The following ATP6V1B1 variants were observed in gnomAD, a reference collection of about 807,000 sequenced individuals.
ATP6V1B1 encodes the protein ATPase H+ transporting V1 subunit B1, also known as V-type proton ATPase subunit B, kidney isoform.
A neutral mutation model predicts 62.1 loss-of-function variants in ATP6V1B1; 41 were observed. The observed-to-expected ratio is 0.66, with a 90% CI of 0.51 to 0.86. The LOEUF is 0.86. ATP6V1B1 is among the 40% of genes least tolerant of loss of function. The pLI, the probability that ATP6V1B1 is intolerant of heterozygous loss-of-function variation, is 0.00. For missense variants in ATP6V1B1, 651 were observed against 697.5 expected, an observed-to-expected ratio of 0.93 and a Z score of 0.75; for synonymous variants, 253 against 273.4, an observed-to-expected ratio of 0.93 and a Z score of 0.74.
intron 2 of ATP6V1B1, chr2:70,947,811 C>G (rs182078113): frequency 8.3e-4 from 127 of 152,436 alleles, no homozygotes; most frequent in African/African-American, 3.0e-3. Flanking sequence ...GAGTCATGCC[C>G]TCTTCCTGCA....
intron 1 of ATP6V1B1, chr2:70,938,528 T>G: frequency 1.0e-6 from 1 of 984,620 alleles, no homozygotes; most frequent in Non-Finnish European, 1.2e-6. Flanking sequence ...GGCATTCCCC[T>G]CCCCCGGGGG....
At chr2:70,946,730 C>T (rs1184540324) in intron 2 of ATP6V1B1, among the ~76,000 whole-genome samples, 1 of 152,210 alleles carries the variant, frequency 6.6e-6, no homozygotes, top group African/African-American at 2.4e-5. Flanking sequence ...GTGCCACCTC[C>T]TGCCCCCTCT....
rs781815747 is a variant in ATP6V1B1, at chr2:70,936,030, A to G, written c.76A>G (p.Met26Val). ...CAACCTAGGTGCAGCCCGAGAACAC[A>G]TGCAGGCGGTCACCCGAAACTACAT... is the stretch of plus-strand genomic sequence containing the variant. Reference protein sequence around the residue: ...SCNLGAAREHMQAVTRNYITH... With the variant: ...SCNLGAAREHVQAVTRNYITH... The change falls in exon 1 of 14, where the codon ATG (methionine) becomes GTG (valine). Residue 26 changes from methionine to valine, a missense_variant. Physicochemically the swap from Met to Val is conservative, Grantham distance 21. Transcript: ENST00000234396. 1.5e-5 allele frequency: 24 copies of G among 1,613,824 alleles called. No individual in the cohort carries two copies. The highest frequency in any genetic ancestry group is 2.0e-5 in the Non-Finnish European group (24 of 1,179,924).
chr2:70,939,621 C>T (rs1679940247), intron 1 of ATP6V1B1: 1 of 152,234 alleles, frequency 6.6e-6, no homozygotes, highest in African/African-American at 2.4e-5. Flanking sequence ...ACCTCTGTTG[C>T]TCAGCCCCCA....
chr2:70,958,244 T>G, intron 3 of ATP6V1B1, 89 bp from the exon 4 acceptor site: 1 of 1,593,834 alleles, frequency 6.3e-7, no homozygotes, highest in Non-Finnish European at 8.6e-7. Context: ...ATGGTCTATT[T>G]CCCTGAGAGC....
At chr2:70,951,743 C>T (rs1348691075) in intron 2 of ATP6V1B1, among the ~76,000 whole-genome samples, 1 of 151,944 alleles carries the variant, frequency 6.6e-6, no homozygotes, top group Non-Finnish European at 1.5e-5. Flanking sequence ...ACTAAAAATA[C>T]AAAACATTAG....
rs782177880 is a variant in ATP6V1B1, at chr2:70,964,996, C to T, written c.1417C>T (p.Leu473=). The part of the protein sequence containing the change: ...ENRSVFESLD[L]GWKLLRIFPK... Reference sequence around the variant, plus strand: ...CCGCTCGGTGTTCGAGTCGCTGGACCTGGGCTGGAAGCTGCTGCGCATCTT... The same window carrying T: ...CCGCTCGGTGTTCGAGTCGCTGGACTTGGGCTGGAAGCTGCTGCGCATCTT... The change falls in exon 14 of 14, where the codon CTG becomes TTG. Residue 473 remains leucine, a synonymous_variant. Coordinates refer to ENST00000234396, the MANE Select transcript of ATP6V1B1 (RefSeq NM_001692.4). 1.9e-6 allele frequency: 3 copies of T among 1,613,812 alleles called. No individual in the cohort carries two copies. Among genetic ancestry groups the T allele is most frequent in the Non-Finnish European group, 2.5e-6 (3 of 1,180,050 alleles).
At chr2:70,937,538 G>T (rs1553415673) in intron 1 of ATP6V1B1, among the ~76,000 whole-genome samples, 1 of 151,964 alleles carries the variant, frequency 6.6e-6, no homozygotes, top group African/African-American at 2.4e-5. Context: ...GGTCACCAAG[G>T]CCCAGAAATA....
Position 70,936,015 on chromosome 2 carries a change from G to T in ATP6V1B1, c.61G>T (p.Ala21Ser). The T allele has an allele frequency of 3.1e-6, 5 of 1,614,038 alleles. No homozygotes were observed. Among genetic ancestry groups the T allele is most frequent in the Non-Finnish European group, 4.2e-6 (5 of 1,179,950 alleles). ...CCCCGGCAGTAGCTGCAACCTAGGT[G>T]CAGCCCGAGAACACATGCAGGCGGT... Reference protein sequence around the residue: ...GLPGSSCNLGAAREHMQAVTR... With the variant: ...GLPGSSCNLGSAREHMQAVTR... Residue 21 changes from alanine to serine, a missense_variant, in exon 1 of 14, where the codon GCA (alanine) becomes TCA (serine). Transcript: ENST00000234396.
rs1553419730 is a variant in ATP6V1B1 at position 70,959,909 on chromosome 2, G to T, written c.446-30G>T. The T allele has an allele frequency of 6.2e-7, 1 of 1,614,060 alleles. No individual in the cohort carries two copies. The highest frequency in any genetic ancestry group is 2.2e-5 in the East Asian group (1 of 44,864). On this transcript the variant is annotated intron_variant, in intron 5 of 13. Transcript: ENST00000234396. The surrounding 1 kb of genome is among the most constrained non-coding windows in gnomAD (Gnocchi z 4.2). ...AGAGCAGGGAAGGGTTTGAACCCCT[G>T]AGCATGGCTCTGTGATCGCCCTCTC...
chr2:70,964,013 T>C (rs782503940), intron 11 of ATP6V1B1: 9 of 438,584 alleles, frequency 2.1e-5, no homozygotes, highest in Non-Finnish European at 3.8e-5. Context: ...TTTCCAGTTA[T>C]TTGCTTCGGT....
At chr2:70,949,303 G>A (rs1439019151) in intron 2 of ATP6V1B1, among the ~76,000 whole-genome samples, 1 of 152,158 alleles carries the variant, frequency 6.6e-6, no homozygotes, top group African/African-American at 2.4e-5. Flanking sequence ...CGATAGTATG[G>A]ATGTACTGTA....
chr2:70,943,226 T>A (rs535213497), intron 1 of ATP6V1B1: 1 of 357,758 alleles, frequency 2.8e-6, no homozygotes, highest in Admixed American at 3.8e-5. Context: ...CAGTGTGGGG[T>A]GAATGGAGGG....
In ATP6V1B1 at chr2:70,963,125, A is replaced by G. The variant is rs1032159016; in HGVS notation, c.910-37A>G. On this transcript the variant is annotated intron_variant, in intron 9 of 13. Coordinates refer to ENST00000234396, the MANE Select transcript of ATP6V1B1 (RefSeq NM_001692.4). This position sits in a 1 kb window ranked among gnomAD's most constrained non-coding sequence, Gnocchi z 4.3. The stretch of plus-strand genomic sequence containing the variant: ...CCACCCTTCCTAGCTTCAGCCTCTC[A>G]TCCCCTTTCTTACCCCAGTGCCCAT... 20 of 1,613,200 alleles carry G rather than the reference A, an allele frequency of 1.2e-5. No individual in the cohort carries two copies. The highest frequency in any genetic ancestry group is 1.6e-4 in the Middle Eastern group (1 of 6,084).
At chr2:70,946,045 T>C (rs189048900) in intron 2 of ATP6V1B1, among the ~76,000 whole-genome samples, 25 of 152,166 alleles carry the variant, frequency 1.6e-4, no homozygotes, top group Non-Finnish European at 3.5e-4. Context: ...GAACTGTGTT[T>C]TGTTCATCTT....
At position 70,961,668 on chromosome 2, in the gene ATP6V1B1, T is replaced by G; in HGVS notation, c.760T>G (p.Phe254Val). 6.2e-7 allele frequency: 1 copy of G among 1,614,222 alleles called. No homozygotes were observed. Among genetic ancestry groups the G allele is most frequent in the Non-Finnish European group, 8.5e-7 (1 of 1,180,030 alleles). Residue 254 changes from phenylalanine to valine, a missense_variant, in exon 8 of 14, where the codon TTC (phenylalanine) becomes GTC (valine). Coordinates refer to ENST00000234396, the MANE Select transcript of ATP6V1B1 (RefSeq NM_001692.4). ...QNGTMGNVCL[F>V]LNLANDPTIE... ...TGGAACCATGGGGAACGTCTGCCTC[T>G]TCCTGAACTTGGCCAATGACCCCAC...
At chr2:70,950,622 A>G (rs965845780) in intron 2 of ATP6V1B1, among the ~76,000 whole-genome samples, 1 of 151,796 alleles carries the variant, frequency 6.6e-6, no homozygotes, top group Non-Finnish European at 1.5e-5. Flanking sequence ...GGAGGGGGGG[A>G]ATGATTTTTA....
In ATP6V1B1 at chr2:70,964,874, C is replaced by T. The variant is rs1680683364; in HGVS notation, c.1378+9C>T. 3 of 1,613,954 alleles carry T rather than the reference C, an allele frequency of 1.9e-6. No individual in the cohort carries two copies. The highest frequency in any genetic ancestry group is 1.3e-5 in the African/African-American group (1 of 74,914). On this transcript the variant is annotated intron_variant, in intron 13 of 13. Coordinates refer to ENST00000234396, the MANE Select transcript of ATP6V1B1 (RefSeq NM_001692.4). ...GAACTTCATCAATCAGGGTAAGGCGCGTCGCTGGTGTGGAGCCAGTAACCT... is the reference window on the plus strand; with the variant it reads ...GAACTTCATCAATCAGGGTAAGGCGTGTCGCTGGTGTGGAGCCAGTAACCT...
chr2:70,947,171 C>T (rs1399783180), intron 2 of ATP6V1B1, among the ~76,000 whole-genome samples: 1 of 152,040 alleles, frequency 6.6e-6, no homozygotes. Flanking sequence ...TGTGTGCAGA[C>T]CTTTGAAGGT....
Sources: allele counts gnomAD v4.1 joint callset (sites outside exome capture counted in the v4.1 genomes callset), GRCh38; gene constraint gnomAD v4.1.1; non-coding constraint Gnocchi (gnomAD v3.1); transcripts MANE v1.5; gene names NCBI Gene and HGNC (gene_info 2026-07-23, HGNC 2026-07-21).